GRID2: variants seen among roughly 807,000 people sequenced by gnomAD.
GRID2 encodes glutamate ionotropic receptor delta type subunit 2, also known as glutamate receptor ionotropic, delta-2.
Under a neutral mutation model 114.8 loss-of-function variants are expected in GRID2, and 33 were observed. The observed-to-expected ratio is 0.29, with a 90% CI of 0.22 to 0.38. The LOEUF is 0.38. Ranked by LOEUF, GRID2 falls within the 10% of genes least tolerant of loss-of-function variation. The probability of loss-of-function intolerance (pLI) is 1.00; values close to 1 mark genes in which losing one functional copy is unlikely to be tolerated. For synonymous variants in GRID2, 505 were observed against 449.9 expected, an observed-to-expected ratio of 1.12 and a Z score of -1.55; for missense variants, 1,184 against 1,257.7, an observed-to-expected ratio of 0.94 and a Z score of 0.89.
chr4:92,537,705 GCAAA>G (rs1346527728), intron 1 of GRID2, among the ~76,000 whole-genome samples: 9 of 151,648 alleles, frequency 5.9e-5, no homozygotes, highest in African/African-American at 2.4e-5. Context: ...GTTTGTGTTT[GCAAA>G]CAGTCTATTG....
intron 2 of GRID2, among the ~76,000 whole-genome samples, chr4:92,927,247 A>G (rs564115070): frequency 4.7e-4 from 72 of 151,964 alleles, no homozygotes; most frequent in African/African-American, 1.7e-3. Flanking sequence ...AAAGAGTAAT[A>G]CCCCTATCTT....
chr4:92,918,789 G>C (rs1014232995), intron 2 of GRID2, among the ~76,000 whole-genome samples: 2 of 152,060 alleles, frequency 1.3e-5, no homozygotes, highest in African/African-American at 4.8e-5. Flanking sequence ...TGATGTTCAT[G>C]AGGGATATTG....
At chr4:93,195,894 A>G (rs1741438711) in intron 4 of GRID2, among the ~76,000 whole-genome samples, 1 of 152,194 alleles carries the variant, frequency 6.6e-6, no homozygotes, top group Admixed American at 6.5e-5. Context: ...ACTAAAATAT[A>G]GCAGATGACT....
intron 3 of GRID2, among the ~76,000 whole-genome samples, chr4:93,105,406 G>A (rs891722995): frequency 6.6e-6 from 1 of 152,164 alleles, no homozygotes; most frequent in East Asian, 1.9e-4. Context: ...GAACGGTAAT[G>A]CCTAGGTTTT....
intron 2 of GRID2, among the ~76,000 whole-genome samples, chr4:92,777,166 T>G (rs1738847774): frequency 6.6e-6 from 1 of 151,814 alleles, no homozygotes; most frequent in African/African-American, 2.4e-5. Flanking sequence ...TACCTTGAAA[T>G]CTTTTTCAGT....
chr4:92,537,168 A>C (rs1258341976), intron 1 of GRID2, among the ~76,000 whole-genome samples: 1 of 152,132 alleles, frequency 6.6e-6, no homozygotes, highest in Non-Finnish European at 1.5e-5. Flanking sequence ...TTTCTTGACA[A>C]ATTTACCATT....
intron 8 of GRID2, among the ~76,000 whole-genome samples, chr4:93,353,787 ATAT>A (rs1761035484): frequency 6.6e-6 from 1 of 152,062 alleles, no homozygotes; most frequent in Non-Finnish European, 1.5e-5. Context: ...TGAGGATGAC[ATAT>A]TAACAATGGC....
chr4:92,561,526 G>A (rs1727102213), intron 1 of GRID2, among the ~76,000 whole-genome samples: 1 of 152,082 alleles, frequency 6.6e-6, no homozygotes, highest in Non-Finnish European at 1.5e-5. Context: ...ATTGTTTTAT[G>A]CAGTTTAGTG....
intron 2 of GRID2, among the ~76,000 whole-genome samples, chr4:92,720,691 T>C (rs1351979903): frequency 6.6e-6 from 1 of 152,100 alleles, no homozygotes; most frequent in Non-Finnish European, 1.5e-5. Context: ...TATCTCTTTA[T>C]AATAACCTAA....
chr4:92,508,073 A>G (rs574355595), intron 1 of GRID2, among the ~76,000 whole-genome samples: 2 of 152,002 alleles, frequency 1.3e-5, no homozygotes, highest in South Asian at 4.2e-4. Context: ...ATTTTACTGG[A>G]AGGTCCTTAT....
At chr4:92,581,153 GA>G (rs1167167763) in intron 1 of GRID2, among the ~76,000 whole-genome samples, 1 of 148,210 alleles carries the variant, frequency 6.7e-6, no homozygotes, top group Admixed American at 6.7e-5. Flanking sequence ...CTTTATACAA[GA>G]AAAAATCCAG....
At chr4:93,164,166 A>G (rs896487107) in intron 4 of GRID2, among the ~76,000 whole-genome samples, 1 of 152,018 alleles carries the variant, frequency 6.6e-6, no homozygotes, top group African/African-American at 2.4e-5. Context: ...GGGGGAAAAA[A>G]AAGGTAATTT....
intron 6 of GRID2, among the ~76,000 whole-genome samples, chr4:93,217,521 G>T (rs905074022): frequency 2.0e-5 from 3 of 151,876 alleles, no homozygotes; most frequent in Non-Finnish European, 4.4e-5. Flanking sequence ...ATACTTACTT[G>T]AAGCCTATTT....
chr4:93,441,705 A>T (rs1049719739), intron 10 of GRID2, among the ~76,000 whole-genome samples: 1 of 152,152 alleles, frequency 6.6e-6, no homozygotes, highest in East Asian at 1.9e-4. Flanking sequence ...GCCACGAGCC[A>T]TACCTTGAAA....
At chr4:92,656,484 C>A (rs893577740) in intron 2 of GRID2, among the ~76,000 whole-genome samples, 14 of 146,966 alleles carry the variant, frequency 9.5e-5, no homozygotes, top group South Asian at 4.3e-4. Flanking sequence ...AAAAAAAAAA[C>A]ACTTTTCTAA....
At chr4:93,784,864 A>G (rs1436248022) in intron 1 of GRID2, among the ~76,000 whole-genome samples, 1 of 152,190 alleles carries the variant, frequency 6.6e-6, no homozygotes, top group Non-Finnish European at 1.5e-5. Flanking sequence ...AAATACAGCT[A>G]TAACTACAGT....
intron 3 of GRID2, among the ~76,000 whole-genome samples, chr4:93,097,823 A>G (rs1731353005): frequency 1.3e-5 from 2 of 151,984 alleles, no homozygotes; most frequent in Non-Finnish European, 2.9e-5. Context: ...AACTGAAAAC[A>G]CACACATTGA....
chr4:93,618,181 G>A (rs1741885050), intron 13 of GRID2, among the ~76,000 whole-genome samples: 1 of 152,102 alleles, frequency 6.6e-6, no homozygotes, highest in African/African-American at 2.4e-5. Flanking sequence ...TGAGAAACTG[G>A]GGCTGGATTA....
At chr4:93,530,407 C>A (rs1366181922) in intron 13 of GRID2, among the ~76,000 whole-genome samples, 1 of 152,166 alleles carries the variant, frequency 6.6e-6, no homozygotes, top group African/African-American at 2.4e-5. Context: ...TCTTCCCTTT[C>A]ACATGCCATA....
Sources: gnomAD v4.1 joint callset for allele counts (sites outside exome capture counted in the v4.1 genomes callset) on GRCh38, gnomAD v4.1.1 for gene constraint, MANE v1.5 for transcripts, NCBI Gene and HGNC (gene_info 2026-07-23, HGNC 2026-07-21) for gene names.